The following GABPB2 variants were observed in gnomAD, a reference collection of about 807,000 sequenced individuals.
GABPB2 encodes GA binding protein transcription factor subunit beta 2.
Under a neutral mutation model 39.1 loss-of-function variants are expected in GABPB2, and 23 were observed. The observed-to-expected ratio is 0.59, with a 90% confidence interval of 0.42 to 0.83. GABPB2 has a LOEUF of 0.83. GABPB2 is among the 40% of genes least tolerant of loss of function. GABPB2 has a pLI of 0.00. For missense variants in GABPB2, 467 were observed against 541.1 expected (o/e 0.86, Z 1.36); for synonymous variants, 184 against 199.3 (o/e 0.92, Z 0.65).
At chr1:151,088,051 G>A (rs6688113) in intron 1 of GABPB2, 139 bp from the exon 2 acceptor site, 9,672 of 610,762 alleles carry the variant, frequency 0.016, 121 homozygotes, top group Non-Finnish European at 0.02. Context: ...GAGGTAGAAA[G>A]GAAGTGACCT....
intron 7 of GABPB2, among the ~76,000 whole-genome samples, chr1:151,110,921 A>G (rs938455389): frequency 6.6e-6 from 1 of 152,242 alleles, no homozygotes; most frequent in Non-Finnish European, 1.5e-5. Flanking sequence ...ATAAAGAAAT[A>G]CAAACCAATT....
chr1:151,120,649 T>C lies in GABPB2; in HGVS notation c.*2393T>C, dbSNP rs1230706203. 2.0e-5 allele frequency: 3 copies of C among 152,078 alleles called. No homozygotes were observed. The highest frequency in any genetic ancestry group is 4.8e-5 in the African/African-American group (2 of 41,422). 9.4% of individuals were successfully genotyped at this position (152,078 alleles called of 1,614,324 possible). A position where few individuals can be genotyped will look rare whatever the true frequency, so the allele number is the denominator to read the frequency against. ...GCTATGAAACTCTGGTCTTGACATA[T>C]AAACTTTGCTCTGACTGGATTTCAT... On this transcript the variant is annotated 3_prime_UTR_variant, in exon 9 of 9. Transcript: ENST00000368918.
In GABPB2 at chr1:151,088,252, A is replaced by C; in HGVS notation, c.63A>C (p.Glu21Asp). 2 of 1,614,106 alleles carry C rather than the reference A, an allele frequency of 1.2e-6. No individual in the cohort carries two copies. Among genetic ancestry groups the C allele is most frequent in the South Asian group, 1.1e-5 (1 of 91,078 alleles). Residue 21 changes from glutamate to aspartate, a missense_variant, in exon 2 of 9, where the codon GAA (glutamate) becomes GAC (aspartate). Physicochemically the swap from Glu to Asp is conservative, Grantham distance 45. Coordinates refer to ENST00000368918, the MANE Select transcript of GABPB2 (RefSeq NM_144618.3). ...LEAARKGQDDEVRTLMANGAP... is the reference protein window; with the variant it reads ...LEAARKGQDDDVRTLMANGAP... ...CAGCAAGAAAAGGCCAAGATGATGAAGTGAGAACGTTGATGGCAAATGGCG... is the reference window on the plus strand; with the variant it reads ...CAGCAAGAAAAGGCCAAGATGATGACGTGAGAACGTTGATGGCAAATGGCG...
chr1:151,090,765 G>C (rs953711800), intron 3 of GABPB2, among the ~76,000 whole-genome samples, 192 bp downstream of exon 3: 1 of 151,854 alleles, frequency 6.6e-6, no homozygotes, highest in Admixed American at 6.6e-5. Flanking sequence ...AGGCCGAGAC[G>C]GGTGGATCAC....
chr1:151,074,038 G>A (rs1469950876), intron 1 of GABPB2, among the ~76,000 whole-genome samples: 1 of 145,752 alleles, frequency 6.9e-6, no homozygotes, highest in Non-Finnish European at 1.5e-5. Flanking sequence ...CTGCAGTGGC[G>A]CTATCTCGGC....
chr1:151,115,871 G>A (rs921908894), intron 7 of GABPB2, among the ~76,000 whole-genome samples: 1 of 152,180 alleles, frequency 6.6e-6, no homozygotes, highest in Admixed American at 6.6e-5. Flanking sequence ...GGGAGGCCAA[G>A]GCAGGTGGAA....
At chr1:151,071,517 A>G (rs990655802) in intron 1 of GABPB2, among the ~76,000 whole-genome samples, 9 of 118,500 alleles carry the variant, frequency 7.6e-5, no homozygotes, top group African/African-American at 2.6e-4. Context: ...CAGTGGCGCG[A>G]TTTCGGCTCA....
intron 7 of GABPB2, among the ~76,000 whole-genome samples, chr1:151,113,962 T>C (rs1430198262): frequency 2.6e-5 from 4 of 151,672 alleles, no homozygotes; most frequent in Admixed American, 1.3e-4. Flanking sequence ...TTCTTATTGC[T>C]GAGATTATTC....
intron 1 of GABPB2, among the ~76,000 whole-genome samples, chr1:151,081,643 T>TA (rs200101286): frequency 9.2e-5 from 14 of 151,996 alleles, no homozygotes; most frequent in Admixed American, 5.3e-4. Flanking sequence ...ATTATTTATT[T>TA]TTTTTTTTTT....
In GABPB2 at chr1:151,080,974, G is replaced by A. The variant is rs1172003012; in HGVS notation, c.1-7216G>A. ...TGCAACCTCTGCCTCCCGGGTTCACGCCATTCTCTTGCCTCAGCCTCCCGA... is the reference window on the plus strand; with the variant it reads ...TGCAACCTCTGCCTCCCGGGTTCACACCATTCTCTTGCCTCAGCCTCCCGA... On this transcript the variant is annotated intron_variant, in intron 1 of 8. Transcript: ENST00000368918. Among the ~76,000 whole-genome samples the A allele has an allele frequency of 2.7e-5, 4 of 150,826 alleles. No homozygotes were observed. In the East Asian group the frequency reaches 6.1e-4, roughly 23 times the overall value.
rs193006159 is a variant in GABPB2 at position 151,093,596 on chromosome 1, T to A, written c.471+210T>A. Among the ~76,000 whole-genome samples the A allele has an allele frequency of 1.1e-3, 156 of 148,304 alleles. 3 individuals are homozygous for A. Among genetic ancestry groups the A allele is most frequent in the Admixed American group, 9.3e-3 (137 of 14,800 alleles). ...TGTATATATGTATACGCATATATAT[T>A]TTTTATATTTTTTATATATATTTTT... On this transcript the variant is annotated intron_variant, in intron 4 of 8. Coordinates refer to ENST00000368918, the MANE Select transcript of GABPB2 (RefSeq NM_144618.3).
intron 5 of GABPB2, among the ~76,000 whole-genome samples, chr1:151,100,187 C>T (rs1679406150): frequency 6.6e-6 from 1 of 151,146 alleles, no homozygotes. Context: ...CTCTGTCGCC[C>T]AGGCTGGAGT....
intron 4 of GABPB2, among the ~76,000 whole-genome samples, chr1:151,096,364 G>A (rs6697617): frequency 0.7 from 106,668 of 151,796 alleles, 38,714 homozygotes; most frequent in East Asian, 0.89. Context: ...GCAGTGAGCC[G>A]AGATCGCACC....
At position 151,080,408 on chromosome 1, in the gene GABPB2, G is replaced by A. The variant is rs144722729; in HGVS notation, c.1-7782G>A. ...TGCCTGTAATCCCAGGTACTCGGGA[G>A]GCTGAGGCAGGAGAATCGCTTCAAC... On this transcript the variant is annotated intron_variant, in intron 1 of 8. Transcript: ENST00000368918. 3.8e-3 allele frequency among the ~76,000 whole-genome samples: 578 copies of A among 150,552 alleles called. 2 individuals are homozygous for A. Among genetic ancestry groups the A allele is most frequent in the Non-Finnish European group, 6.3e-3 (424 of 67,806 alleles).
intron 1 of GABPB2, among the ~76,000 whole-genome samples, chr1:151,077,722 G>A (rs1677299697): frequency 6.6e-6 from 1 of 151,658 alleles, no homozygotes; most frequent in Non-Finnish European, 1.5e-5. Flanking sequence ...GGAAACCGAG[G>A]CAGGTGGATC....
At chr1:151,102,879 G>A (rs1421300066) in intron 5 of GABPB2, among the ~76,000 whole-genome samples, 1 of 152,062 alleles carries the variant, frequency 6.6e-6, no homozygotes, top group Non-Finnish European at 1.5e-5. Context: ...TGAGCTTGGG[G>A]TGAGGTATGC....
At chr1:151,116,574 CCTT>C (rs1441343412) in intron 7 of GABPB2, among the ~76,000 whole-genome samples, 1 of 151,840 alleles carries the variant, frequency 6.6e-6, no homozygotes, top group East Asian at 1.9e-4. Context: ...AGACTTCAGG[CCTT>C]CTTTTGACAG....
At position 151,120,813 on chromosome 1, in the gene GABPB2, A is replaced by G. The variant is rs1347764744; in HGVS notation, c.*2557A>G. 1 of 147,226 alleles carries G rather than the reference A, an allele frequency of 6.8e-6. No homozygotes were observed. Among genetic ancestry groups the G allele is most frequent in the East Asian group, 2.0e-4 (1 of 4,968 alleles). 9.1% of individuals were successfully genotyped at this position (147,226 alleles called of 1,614,324 possible). On this transcript the variant is annotated 3_prime_UTR_variant, in exon 9 of 9. Coordinates refer to ENST00000368918, the MANE Select transcript of GABPB2 (RefSeq NM_144618.3). ...CTCTTGTTGCCCAGGCTGGAGTGCAATGGTGTGATCTCAACTCACCGCAAC... is the reference window on the plus strand; with the variant it reads ...CTCTTGTTGCCCAGGCTGGAGTGCAGTGGTGTGATCTCAACTCACCGCAAC...
At chr1:151,090,728 G>A (rs1005027016) in intron 3 of GABPB2, among the ~76,000 whole-genome samples, 155 bp downstream of exon 3, 3 of 151,862 alleles carry the variant, frequency 2.0e-5, no homozygotes, top group Non-Finnish European at 4.4e-5. Context: ...ATGGCAGGCC[G>A]GGTGCCTATA....
Sources: gnomAD v4.1 joint callset for allele counts (sites outside exome capture counted in the v4.1 genomes callset) on GRCh38, gnomAD v4.1.1 for gene constraint, MANE v1.5 for transcripts, NCBI Gene and HGNC (gene_info 2026-07-23, HGNC 2026-07-21) for gene names.